The following USP30 variants were observed in gnomAD, a reference collection of about 807,000 sequenced individuals.
USP30 encodes the protein ubiquitin carboxyl-terminal hydrolase 30.
USP30 carries 41 observed loss-of-function variants against 68.2 expected under a neutral mutation model. The ratio of observed to expected loss-of-function variants is 0.60; its 90% CI spans 0.47 to 0.78. The LOEUF (loss-of-function observed/expected upper bound fraction) is 0.78. Among genes scored for constraint, USP30 ranks in the 30% least tolerant of loss-of-function variants. USP30 has a pLI of 0.00. For synonymous variants in USP30, 229 were observed against 253.7 expected (o/e 0.90, Z 0.93); for missense variants, 522 against 649.4 (o/e 0.80, Z 2.13).
At chr12:109,082,789 G>A (rs369032252) in intron 10 of USP30, 46 bp downstream of exon 10, 37 of 1,610,078 alleles carry the variant, frequency 2.3e-5, no homozygotes, top group Middle Eastern at 3.3e-4. Context: ...TGAGGACTCC[G>A]TGTATCCTGC....
In USP30 at chr12:109,071,708, G is replaced by C. The variant is rs1469151678; in HGVS notation, c.577G>C (p.Glu193Gln). ...ACATTTGTTTGATGTGCATTCCCTGGAGGTAAACCATTAATATTTCCAACA... is the reference window on the plus strand; with the variant it reads ...ACATTTGTTTGATGTGCATTCCCTGCAGGTAAACCATTAATATTTCCAACA... ...VTHLFDVHSL[E>Q]QQSEITPKQI... is the part of the protein sequence containing the mutation. The change falls in exon 5 of 13, where the codon GAG (glutamate) becomes CAG (glutamine). Residue 193 changes from glutamate (E) to glutamine (Q), a missense_variant and splice_region_variant. Glu to Gln is a conservative substitution (Grantham distance 29). Coordinates refer to ENST00000257548, the MANE Select transcript of USP30 (RefSeq NM_032663.5). 2.5e-6 allele frequency: 4 copies of C among 1,613,854 alleles called. No individual in the cohort carries two copies. The highest frequency in any genetic ancestry group is 1.7e-5 in the Admixed American group (1 of 60,002).
Position 109,088,017 on chromosome 12 carries a change from A to G in USP30, c.*2086A>G. On this transcript the variant is annotated 3_prime_UTR_variant, in exon 13 of 13. Coordinates refer to ENST00000257548, the MANE Select transcript of USP30 (RefSeq NM_032663.5). This position sits in a 1 kb window ranked among gnomAD's most constrained non-coding sequence, Gnocchi z 4.2. Reference sequence around the variant, plus strand: ...AGCAATAAAATAATCATTTTGTTAGAAAAAAATCACCTGGTGTTCTTTTGT... The same window carrying G: ...AGCAATAAAATAATCATTTTGTTAGGAAAAAATCACCTGGTGTTCTTTTGT... 2 of 505,160 alleles carry G rather than the reference A, an allele frequency of 4.0e-6. No homozygotes were observed. The highest frequency in any genetic ancestry group is 6.8e-6 in the Non-Finnish European group (2 of 292,144). The allele number at this position is 505,160 out of a possible 1,614,324, so 31.3% of individuals were successfully genotyped here.
chr12:109,024,386 T>C (rs951483750), intron 1 of USP30, among the ~76,000 whole-genome samples: 1 of 151,938 alleles, frequency 6.6e-6, no homozygotes, highest in African/African-American at 2.4e-5. Context: ...GCCTCCCGAA[T>C]AGCTGGGATT....
chr12:109,059,964 A>G (rs531039900), intron 3 of USP30: 1 of 152,364 alleles, frequency 6.6e-6, no homozygotes, highest in Non-Finnish European at 1.5e-5. Context: ...GTAGATATCA[A>G]ACAGAATCAT....
At chr12:109,053,714 G>C (rs1449830128) in intron 1 of USP30, 1 of 240,624 alleles carries the variant, frequency 4.2e-6, no homozygotes, top group Non-Finnish European at 8.3e-6. Context: ...GGAGAAGCCA[G>C]ATCTTTTCAT....
intron 4 of USP30, among the ~76,000 whole-genome samples, chr12:109,071,233 A>G (rs923173318): frequency 6.6e-6 from 1 of 152,268 alleles, no homozygotes; most frequent in Admixed American, 6.5e-5. Context: ...GAATGTACTT[A>G]ATGCCACAGA....
At chr12:109,033,352 C>T (rs1051314199) in intron 3 of USP30, among the ~76,000 whole-genome samples, 3 of 152,170 alleles carry the variant, frequency 2.0e-5, no homozygotes, top group Non-Finnish European at 4.4e-5. Context: ...AGTTCATTGG[C>T]ACTGGTAAAG....
intron 2 of USP30, chr12:109,027,413 C>T (rs2040452535): frequency 6.6e-6 from 1 of 152,190 alleles, no homozygotes; most frequent in Non-Finnish European, 1.5e-5. Flanking sequence ...GCTGGAACTA[C>T]AGGTGCATGC....
intron 2 of USP30, 66 bp from the exon 3 acceptor site, chr12:109,057,860 C>G: frequency 6.6e-7 from 1 of 1,523,976 alleles, no homozygotes; most frequent in Non-Finnish European, 8.9e-7. Context: ...ACTCTGGGTC[C>G]CACATGGGAG....
chr12:109,068,480 A>G (rs1253072826), intron 4 of USP30, among the ~76,000 whole-genome samples: 1 of 151,146 alleles, frequency 6.6e-6, no homozygotes, highest in Non-Finnish European at 1.5e-5. Flanking sequence ...CTGAAGCCAC[A>G]GGTCACTTTT....
At position 109,055,400 on chromosome 12, in the gene USP30, A is replaced by ATT. The variant is rs869090869; in HGVS notation, c.84-1263_84-1262dup. ...TATACATATATATATATATATATATATTTTTTTTTTTTTTTTTTTTGAGGC... is the reference window on the plus strand; with the variant it reads ...TATACATATATATATATATATATATATTTTTTTTTTTTTTTTTTTTTTGAGGC... On this transcript the variant is annotated intron_variant, in intron 1 of 12. Transcript: ENST00000257548. 4.2e-3 allele frequency among the ~76,000 whole-genome samples: 102 copies of ATT among 24,438 alleles called. 2 individuals are homozygous for ATT. The highest frequency in any genetic ancestry group is 6.1e-3 in the Non-Finnish European group (70 of 11,426). The allele number at this position is 24,438 out of a possible 152,430, so 16.0% of individuals were successfully genotyped here.
upstream of USP30, among the ~76,000 whole-genome samples, chr12:109,050,516 G>A (rs1280884376): frequency 6.6e-6 from 1 of 152,106 alleles, no homozygotes; most frequent in Non-Finnish European, 1.5e-5. Flanking sequence ...GGGGCTACAG[G>A]TATGCGACAC....
intron 1 of USP30, chr12:109,053,536 C>G (rs1186870066): frequency 6.5e-6 from 1 of 153,656 alleles, no homozygotes; most frequent in Non-Finnish European, 1.4e-5. Flanking sequence ...CACTGCTGAC[C>G]CCAAATGACT....
intron 3 of USP30, among the ~76,000 whole-genome samples, chr12:109,062,659 T>C (rs747684929): frequency 4.6e-5 from 7 of 152,152 alleles, no homozygotes; most frequent in Non-Finnish European, 8.8e-5. Context: ...ATTGGTCTTA[T>C]AGTTTGTCTT....
At chr12:109,035,814 A>G (rs925901050) in intron 3 of USP30, among the ~76,000 whole-genome samples, 1 of 152,210 alleles carries the variant, frequency 6.6e-6, no homozygotes, top group Admixed American at 6.6e-5. Flanking sequence ...ATAAATTTAT[A>G]ATTATTGCTT....
intron 4 of USP30, among the ~76,000 whole-genome samples, chr12:109,069,918 A>G (rs113456528): frequency 1.2e-3 from 179 of 152,278 alleles, no homozygotes; most frequent in African/African-American, 4.1e-3. Context: ...AAGCTAGGGT[A>G]TAAGTCTGGA....
At chr12:109,055,037 C>T (rs1396587908) in intron 1 of USP30, among the ~76,000 whole-genome samples, 1 of 151,914 alleles carries the variant, frequency 6.6e-6, no homozygotes, top group Admixed American at 6.6e-5. Context: ...CACACAAACA[C>T]GTATGTATGC....
intron 3 of USP30, among the ~76,000 whole-genome samples, chr12:109,043,126 T>C (rs769114251): frequency 3.3e-5 from 5 of 152,118 alleles, no homozygotes; most frequent in Admixed American, 3.3e-4. Context: ...ACATCCCAAG[T>C]CCATGGATTG....
At chr12:109,072,281 G>GGT in intron 5 of USP30, 24 bp from the exon 6 acceptor site, 1 of 1,344,162 alleles carries the variant, frequency 7.4e-7, no homozygotes, top group African/African-American at 1.5e-5. Context: ...TTTTCAGTCT[G>GGT]TTTTTTTTTT....
Sources: allele counts gnomAD v4.1 joint callset (sites outside exome capture counted in the v4.1 genomes callset), GRCh38; gene constraint gnomAD v4.1.1; non-coding constraint Gnocchi (gnomAD v3.1); transcripts MANE v1.5; gene names NCBI Gene and HGNC (gene_info 2026-07-23, HGNC 2026-07-21).